The following YY1 variants were observed in gnomAD, a reference collection of about 807,000 sequenced individuals.
YY1 encodes YY1 transcription factor.
Under a neutral mutation model 35.6 loss-of-function variants are expected in YY1, and 2 were observed. That is an observed-to-expected ratio of 0.06 (90% CI 0.02 to 0.18). YY1 has a LOEUF of 0.18. Among genes scored for constraint, YY1 ranks in the 10% least tolerant of loss-of-function variants. The pLI, the probability that YY1 is intolerant of heterozygous loss-of-function variation, is 1.00. For synonymous variants in YY1, 268 were observed against 238.9 expected, an observed-to-expected ratio of 1.12 and a Z score of -1.12; for missense variants, 322 against 573.4, an observed-to-expected ratio of 0.56 and a Z score of 4.48.
At chr14:100,257,884 A>C (rs1192008980) in intron 1 of YY1, among the ~76,000 whole-genome samples, 1 of 152,182 alleles carries the variant, frequency 6.6e-6, no homozygotes, top group Non-Finnish European at 1.5e-5. Flanking sequence ...CACACCTGTA[A>C]TCCCAGCACT....
Position 100,253,502 on chromosome 14 carries a change from C to G in YY1, c.680-8802C>G, listed in dbSNP as rs1890955178. ...GCGTGATCTCGGCTCACTGCAACCT[C>G]TGCGTCTCAGGTTCAAGCTATTCTC... On this transcript the variant is annotated intron_variant, in intron 1 of 4. Transcript: ENST00000262238. Among the ~76,000 whole-genome samples the G allele has an allele frequency of 2.0e-5, 3 of 152,338 alleles. No homozygotes were observed. The South Asian group carries it at 6.2e-4, about 32-fold the overall frequency.
intron 2 of YY1, chr14:100,265,306 A>AG (rs1226926190): frequency 6.6e-6 from 1 of 151,916 alleles, no homozygotes; most frequent in Non-Finnish European, 1.5e-5. Flanking sequence ...TGAACCCAGG[A>AG]GGGGGAGGTT....
In YY1 at chr14:100,239,466, C is replaced by A. The variant is rs1237081802; in HGVS notation, c.222C>A (p.His74Gln). The A allele has an allele frequency of 1.9e-6, 3 of 1,597,992 alleles. No individual in the cohort carries two copies. The highest frequency in any genetic ancestry group is 2.6e-6 in the Non-Finnish European group (3 of 1,173,982). The stretch of plus-strand genomic sequence containing the variant: ...GGCACGCCGGCCACCACCACCACCA[C>A]CATCACCACCACCACCACCCGCCCA... The part of the protein sequence containing the change: ...GHGHAGHHHH[H>Q]HHHHHHPPMI... The change falls in exon 1 of 5, where the codon CAC becomes CAA. Residue 74 changes from histidine to glutamine, a missense_variant. By Grantham distance (24) the His-to-Gln change is conservative. Around this residue, in one of 4 missense-constraint regions of YY1, gnomAD observed 137 missense variants for 167.0 expected, o/e 0.82. Transcript: ENST00000262238.
At chr14:100,265,379 C>T (rs1165794812) in intron 2 of YY1, 2 of 151,934 alleles carry the variant, frequency 1.3e-5, no homozygotes, top group Non-Finnish European at 1.5e-5. Flanking sequence ...ACTCCTTCCC[C>T]GCCTCCCCCA....
At chr14:100,246,196 T>G (rs2139570060) in intron 1 of YY1, among the ~76,000 whole-genome samples, 1 of 152,318 alleles carries the variant, frequency 6.6e-6, no homozygotes, top group Middle Eastern at 3.4e-3. Flanking sequence ...CCACCCCGTT[T>G]CCATTTCCAT....
Position 100,239,680 on chromosome 14 carries a change from A to G in YY1, c.436A>G (p.Ile146Val). 3 of 1,606,546 alleles carry G rather than the reference A, an allele frequency of 1.9e-6. No individual in the cohort carries two copies. Among genetic ancestry groups the G allele is most frequent in the Non-Finnish European group, 2.5e-6 (3 of 1,179,026 alleles). The change falls in exon 1 of 5, where the codon ATT (isoleucine) becomes GTT (valine). Residue 146 changes from isoleucine (I) to valine (V), a missense_variant. By Grantham distance (29) the Ile-to-Val change is conservative. Around this residue, in one of 4 missense-constraint regions of YY1, gnomAD observed 152 missense variants for 167.1 expected, o/e 0.91. Coordinates refer to ENST00000262238, the MANE Select transcript of YY1 (RefSeq NM_003403.5). ...GCCGGCCGGCGGCGACGACGACTAC[A>G]TTGAACAAACGCTGGTCACCGTGGC... is the stretch of plus-strand genomic sequence containing the variant. ...PAPAGGDDDY[I>V]EQTLVTVAAA...
At chr14:100,252,938 A>T (rs563498028) in intron 1 of YY1, among the ~76,000 whole-genome samples, 103 of 152,006 alleles carry the variant, frequency 6.8e-4, no homozygotes, top group Non-Finnish European at 8.7e-4. Context: ...CTACTGGTGG[A>T]GTGGGGTTGC....
Position 100,239,693 on chromosome 14 carries a change from T to A in YY1, c.449T>A (p.Leu150Gln). 1 of 1,603,168 alleles carries A rather than the reference T, an allele frequency of 6.2e-7. No individual in the cohort carries two copies. The highest frequency in any genetic ancestry group is 8.5e-7 in the Non-Finnish European group (1 of 1,178,164). Residue 150 changes from leucine (L) to glutamine (Q), a missense_variant, in exon 1 of 5, where the codon CTG (leucine) becomes CAG (glutamine). Physicochemically the swap from Leu to Gln is moderately radical, Grantham distance 113. Coordinates refer to ENST00000262238, the MANE Select transcript of YY1 (RefSeq NM_003403.5). ...GGDDDYIEQT[L>Q]VTVAAAGKSG... ...GACGACGACTACATTGAACAAACGC[T>A]GGTCACCGTGGCGGCGGCCGGCAAG...
At chr14:100,264,539 A>G (rs1216175055) in intron 2 of YY1, among the ~76,000 whole-genome samples, 1 of 152,120 alleles carries the variant, frequency 6.6e-6, no homozygotes, top group African/African-American at 2.4e-5. Context: ...AAATGACTGG[A>G]GTTGAGGTAA....
At chr14:100,264,869 T>C (rs1891131202) in intron 2 of YY1, among the ~76,000 whole-genome samples, 1 of 152,142 alleles carries the variant, frequency 6.6e-6, no homozygotes, top group African/African-American at 2.4e-5. Context: ...CTCAACACTT[T>C]GGGAAGCTGA....
intron 1 of YY1, among the ~76,000 whole-genome samples, chr14:100,250,840 T>TA (rs77056939): frequency 0.02 from 2,346 of 118,792 alleles, 39 homozygotes; most frequent in African/African-American, 0.05. Context: ...CACAGAAAAT[T>TA]AAAAAAAAAA....
chr14:100,278,016 T>G lies in YY1; in HGVS notation c.*416T>G. 5.3e-6 allele frequency: 1 copy of G among 189,590 alleles called. No individual in the cohort carries two copies. Among genetic ancestry groups the G allele is most frequent in the South Asian group, 9.8e-5 (1 of 10,198 alleles). The allele number at this position is 189,590 out of a possible 1,614,324, so 11.7% of individuals were successfully genotyped here. On this transcript the variant is annotated 3_prime_UTR_variant, in exon 5 of 5. Coordinates refer to ENST00000262238, the MANE Select transcript of YY1 (RefSeq NM_003403.5). ...CAAGTGTGCATATTGTACACTTTTT[T>G]GGGGATATGCTTAGTAATGCTACGT...
chr14:100,277,084 G>A lies in YY1; in HGVS notation c.1063-334G>A, dbSNP rs1951521. On this transcript the variant is annotated intron_variant, in intron 4 of 4. Transcript: ENST00000262238. This position sits in a 1 kb window ranked among gnomAD's most constrained non-coding sequence, Gnocchi z 5.6. The stretch of plus-strand genomic sequence containing the variant: ...TAGCAGTGCAGCTAGTAAATCTAAC[G>A]TGGTTCTTTTTTGACAACTGACACC... 259,047 of 447,202 alleles carry A rather than the reference G, an allele frequency of 0.58. 76,696 individuals carry two copies. The highest frequency in any genetic ancestry group is 0.79 in the South Asian group (32,237 of 40,632). The allele number at this position is 447,202 out of a possible 1,614,324, so 27.7% of individuals were successfully genotyped here.
At chr14:100,253,645 G>C (rs537601295) in intron 1 of YY1, among the ~76,000 whole-genome samples, 128 of 152,168 alleles carry the variant, frequency 8.4e-4, no homozygotes, top group Non-Finnish European at 1.4e-3. Context: ...GCCTGCCTCA[G>C]CCTCCCAAAG....
intron 2 of YY1, among the ~76,000 whole-genome samples, chr14:100,273,569 T>G (rs1891277307): frequency 6.6e-6 from 1 of 151,908 alleles, no homozygotes; most frequent in African/African-American, 2.4e-5. Context: ...CTCACTGTGT[T>G]TCCCAGGCTG....
intron 2 of YY1, 80 bp downstream of exon 2, chr14:100,262,546 C>A (rs1227079478): frequency 1.4e-6 from 2 of 1,429,136 alleles, no homozygotes; most frequent in South Asian, 1.2e-5. Context: ...GTGCCTAAGT[C>A]AAAATGGTGG....
Position 100,239,670 on chromosome 14 carries a change from C to T in YY1, c.426C>T (p.Asp142=), listed in dbSNP as rs771133976. 6 of 1,608,716 alleles carry T rather than the reference C, an allele frequency of 3.7e-6. No individual in the cohort carries two copies. In the South Asian group the frequency reaches 6.6e-5, roughly 18 times the overall value. Residue 142 remains aspartate (D), a synonymous_variant, in exon 1 of 5, where the codon GAC becomes GAT. Transcript: ENST00000262238. ...CGGTGCCCGCGCCGGCCGGCGGCGA[C>T]GACGACTACATTGAACAAACGCTGG... The part of the protein sequence containing the change: ...LIPVPAPAGG[D]DDYIEQTLVT...
chr14:100,264,452 G>A (rs1294489558), intron 2 of YY1, among the ~76,000 whole-genome samples: 2 of 152,012 alleles, frequency 1.3e-5, no homozygotes, highest in Admixed American at 6.6e-5. Context: ...GATTATAGAC[G>A]TGAGCCACTG....
Position 100,276,325 on chromosome 14 carries a change from T to G in YY1, c.904-165T>G. 1.1e-6 allele frequency: 1 copy of G among 932,074 alleles called. No individual in the cohort carries two copies. The highest frequency in any genetic ancestry group is 1.6e-6 in the Non-Finnish European group (1 of 625,654). The allele number at this position is 932,074 out of a possible 1,614,324, so 57.7% of individuals were successfully genotyped here. A position where few individuals can be genotyped will look rare whatever the true frequency, so the allele number is the denominator to read the frequency against. ...ATGATGACTTTTTCAGCTGTCTGCT[T>G]TTTGTCTTAAATGATATTAATGTTC... is the stretch of plus-strand genomic sequence containing the variant. On this transcript the variant is annotated intron_variant, in intron 3 of 4. Transcript: ENST00000262238. This position sits in a 1 kb window ranked among gnomAD's most constrained non-coding sequence, Gnocchi z 4.1.
Sources: gnomAD v4.1 joint callset for allele counts (sites outside exome capture counted in the v4.1 genomes callset) on GRCh38, gnomAD v4.1.1 for gene constraint, gnomAD v4.1.1 regional missense constraint, Gnocchi (gnomAD v3.1) non-coding constraint, MANE v1.5 for transcripts, NCBI Gene and HGNC (gene_info 2026-07-23, HGNC 2026-07-21) for gene names.